PLCH2: variants seen among roughly 807,000 people sequenced by gnomAD.
The protein encoded by PLCH2 is 1-phosphatidylinositol 4,5-bisphosphate phosphodiesterase eta-2.
A neutral mutation model predicts 134.7 loss-of-function variants in PLCH2; 98 were observed. The ratio of observed to expected loss-of-function variants is 0.73; its 90% CI spans 0.62 to 0.86. The LOEUF is 0.86. Ranked by LOEUF, PLCH2 falls within the 40% of genes least tolerant of loss-of-function variation. The pLI is 0.00. For missense variants in PLCH2, 1,994 were observed against 1,986.6 expected (o/e 1.00, Z -0.07); for synonymous variants, 974 against 827.5 (o/e 1.18, Z -3.04).
At chr1:2,423,014 T>G (rs1300946423), upstream of PLCH2, among the ~76,000 whole-genome samples, 1 of 152,230 alleles carries the variant, frequency 6.6e-6, no homozygotes, top group African/African-American at 2.4e-5. Context: ...GATCTCACGA[T>G]AAAAGCCTTT....
intron 11 of PLCH2, chr1:2,492,707 GC>G (rs1292244404): frequency 6.6e-6 from 1 of 152,394 alleles, no homozygotes; most frequent in Non-Finnish European, 1.5e-5. Flanking sequence ...CTCACGGAGG[GC>G]GTGGCCCAGG....
chr1:2,438,211 C>T (rs1048221731), intron 2 of PLCH2, among the ~76,000 whole-genome samples: 20 of 152,360 alleles, frequency 1.3e-4, no homozygotes, highest in Admixed American at 1.3e-4. Context: ...AGATGAACGG[C>T]GCTCGGCAGA....
At chr1:2,417,724 G>C in the PLCH2 span, among the ~76,000 whole-genome samples, 1 of 152,174 alleles carries the variant, frequency 6.6e-6, no homozygotes, top group South Asian at 2.1e-4. Context: ...GCACTGCCAC[G>C]CCACCTTCCC....
At chr1:2,484,717 C>T in intron 5 of PLCH2, 99 bp downstream of exon 5, 2 of 1,317,414 alleles carry the variant, frequency 1.5e-6, no homozygotes, top group Non-Finnish European at 2.1e-6. Context: ...GATGGGGGAG[C>T]TGTCTGAAGC....
chr1:2,499,575 G>A, intron 19 of PLCH2, 66 bp from the exon 20 acceptor site: 6 of 1,203,062 alleles, frequency 5.0e-6, no homozygotes, highest in Non-Finnish European at 7.2e-6. Flanking sequence ...GTAGAATGGG[G>A]GGCAGAGCAG....
intron 2 of PLCH2, among the ~76,000 whole-genome samples, chr1:2,454,131 C>T (rs143720377): frequency 2.6e-5 from 4 of 152,306 alleles, no homozygotes; most frequent in African/African-American, 7.2e-5. Flanking sequence ...TCCAGCAGTC[C>T]GGGCTGGGTG....
chr1:2,499,972 G>A (rs1382514161), intron 20 of PLCH2: 39 of 585,938 alleles, frequency 6.7e-5, no homozygotes, highest in Admixed American at 2.4e-4. Flanking sequence ...TGAGTGCTCC[G>A]GGCCTTGCCC....
rs1558017001 is a variant in PLCH2 at position 2,491,291 on chromosome 1, T to A, written c.1615T>A (p.Phe539Ile). The A allele has an allele frequency of 1.9e-6, 3 of 1,613,312 alleles. No homozygotes were observed. Residue 539 changes from phenylalanine (F) to isoleucine (I), a missense_variant, in exon 11 of 22, where the codon TTC (phenylalanine) becomes ATC (isoleucine). Transcript: ENST00000378486. ...KIRDCEDPNN[F>I]SVSTLSPSGK... ...TCGGGACTGTGAGGACCCCAACAACTTCTCCGTCTCCACACTGTCCCCATC... is the reference window on the plus strand; with the variant it reads ...TCGGGACTGTGAGGACCCCAACAACATCTCCGTCTCCACACTGTCCCCATC...
intron 2 of PLCH2, among the ~76,000 whole-genome samples, chr1:2,435,976 C>CTT (rs1639312997): frequency 7.1e-6 from 1 of 139,978 alleles, no homozygotes; most frequent in Non-Finnish European, 1.6e-5. Flanking sequence ...CCCTTCTTCC[C>CTT]TCCTCCCTTC....
intron 1 of PLCH2, among the ~76,000 whole-genome samples, chr1:2,426,198 G>A (rs1400673416): frequency 1.3e-5 from 2 of 152,194 alleles, no homozygotes; most frequent in Admixed American, 6.5e-5. Flanking sequence ...AGATGTCAGC[G>A]CGGGGAAGGG....
intron 11 of PLCH2, 116 bp downstream of exon 11, chr1:2,491,451 C>T (rs1642577397): frequency 9.8e-7 from 1 of 1,017,764 alleles, no homozygotes; most frequent in Admixed American, 2.2e-5. Flanking sequence ...TGTGCACACA[C>T]AAATCTGCAC....
intron 2 of PLCH2, among the ~76,000 whole-genome samples, chr1:2,454,299 G>A (rs909467713): frequency 6.6e-6 from 1 of 152,178 alleles, no homozygotes; most frequent in African/African-American, 2.4e-5. Flanking sequence ...GACTCACCCT[G>A]ACACGTGGGG....
At position 2,439,357 on chromosome 1, in the gene PLCH2, G is replaced by A. The variant is rs1639582962; in HGVS notation, c.115+8728G>A. Among the ~76,000 whole-genome samples the A allele has an allele frequency of 7.0e-6, 1 of 142,598 alleles. No homozygotes were observed. Among genetic ancestry groups the A allele is most frequent in the Admixed American group, 6.9e-5 (1 of 14,490 alleles). 93.5% of individuals were successfully genotyped at this position (142,598 alleles called of 152,430 possible). A position where few individuals can be genotyped will look rare whatever the true frequency, so the allele number is the denominator to read the frequency against. ...TGCCCACCCACCCCAGTGCTGGCCA[G>A]ACCTGGTCCCCGACCCCAGGGCTGC... On this transcript the variant is annotated intron_variant, in intron 2 of 3. Coordinates refer to the PLCH2 transcript ENST00000609981. The surrounding 1 kb of genome is among the most constrained non-coding windows in gnomAD (Gnocchi z 4.7).
intron 20 of PLCH2, chr1:2,500,036 C>T: frequency 2.0e-6 from 1 of 488,984 alleles, no homozygotes; most frequent in South Asian, 2.5e-5. Flanking sequence ...GCAGCCTCCA[C>T]CCCTACAGTG....
At chr1:2,480,125 G>A (rs1013968732) in intron 3 of PLCH2, 58 bp from the exon 4 acceptor site, 3 of 1,604,782 alleles carry the variant, frequency 1.9e-6, no homozygotes, top group Admixed American at 3.3e-5. Context: ...TAGGCCAGAG[G>A]GTGGAGGTGT....
chr1:2,426,754 G>A (rs1478227561), intron 1 of PLCH2, among the ~76,000 whole-genome samples: 2 of 152,216 alleles, frequency 1.3e-5, no homozygotes, highest in African/African-American at 4.8e-5. Flanking sequence ...TTCCTGACAC[G>A]GTTGTGGGGT....
chr1:2,430,551 C>T (rs1021530248), exon 2 of PLCH2: 1 of 152,268 alleles, frequency 6.6e-6, no homozygotes, highest in African/African-American at 2.4e-5. Flanking sequence ...CCTTCCTGGC[C>T]CAGCTCTTCC....
At chr1:2,453,352 C>T (rs1218769830) in intron 2 of PLCH2, among the ~76,000 whole-genome samples, 3 of 152,214 alleles carry the variant, frequency 2.0e-5, no homozygotes, top group Non-Finnish European at 4.4e-5. Context: ...TCGCCCATTG[C>T]AAAGATGAGG....
intron 4 of PLCH2, among the ~76,000 whole-genome samples, chr1:2,483,616 G>C (rs147484356): frequency 6.6e-6 from 1 of 152,146 alleles, no homozygotes; most frequent in Non-Finnish European, 1.5e-5. Context: ...GTGAGGCAAA[G>C]TCCTCAATCC....
Sources: gnomAD v4.1 joint callset for allele counts (sites outside exome capture counted in the v4.1 genomes callset) on GRCh38, gnomAD v4.1.1 for gene constraint, Gnocchi (gnomAD v3.1) non-coding constraint, MANE v1.5 for transcripts, NCBI Gene and HGNC (gene_info 2026-07-23, HGNC 2026-07-21) for gene names.